The following FOXN3 variants were observed in gnomAD, a reference collection of about 807,000 sequenced individuals.
FOXN3 encodes the protein forkhead box protein N3.
FOXN3 carries 7 observed loss-of-function variants against 38.4 expected under a neutral mutation model. The ratio of observed to expected loss-of-function variants is 0.18; its 90% CI spans 0.10 to 0.34. FOXN3 has a LOEUF of 0.34. Among genes scored for constraint, FOXN3 ranks in the 10% least tolerant of loss-of-function variants. The pLI, the probability that FOXN3 is intolerant of heterozygous loss-of-function variation, is 1.00. For synonymous variants in FOXN3, 230 were observed against 242.2 expected, an observed-to-expected ratio of 0.95 and a Z score of 0.47; for missense variants, 456 against 613.4, an observed-to-expected ratio of 0.74 and a Z score of 2.71.
intron 4 of FOXN3, among the ~76,000 whole-genome samples, chr14:89,217,864 T>G (rs1459107268): frequency 2.0e-5 from 3 of 152,226 alleles, no homozygotes; most frequent in Non-Finnish European, 4.4e-5. Context: ...GCAGCACTGC[T>G]GCCGGGCCTG....
intron 4 of FOXN3, among the ~76,000 whole-genome samples, chr14:89,259,406 G>A (rs535182841): frequency 6.6e-6 from 1 of 152,200 alleles, no homozygotes; most frequent in African/African-American, 2.4e-5. Flanking sequence ...CTGGTCACTA[G>A]GAAGCTCAGA....
chr14:89,381,532 C>CAAAAAAAA (rs71897384), intron 2 of FOXN3, among the ~76,000 whole-genome samples: 21 of 75,916 alleles, frequency 2.8e-4, no homozygotes, highest in South Asian at 1.0e-3. Context: ...CCTCAAAAAG[C>CAAAAAAAA]AAAAAAAAAA....
chr14:89,354,231 T>G (rs946364792), intron 2 of FOXN3, among the ~76,000 whole-genome samples: 2 of 148,808 alleles, frequency 1.3e-5, no homozygotes, highest in South Asian at 2.1e-4. Context: ...TGGTTTTTTT[T>G]GTTTGTTTTT....
intron 1 of FOXN3, among the ~76,000 whole-genome samples, chr14:89,591,224 C>T (rs560892378): frequency 3.7e-4 from 56 of 152,268 alleles, no homozygotes; most frequent in African/African-American, 1.3e-3. Context: ...ATATTCTCAA[C>T]CCTGGGAGCC....
intron 5 of FOXN3, among the ~76,000 whole-genome samples, chr14:89,169,074 A>T (rs35510082): frequency 6.6e-6 from 1 of 152,050 alleles, no homozygotes; most frequent in African/African-American, 2.4e-5. Flanking sequence ...TAGGAATTTC[A>T]TAAGAATATA....
intron 3 of FOXN3, among the ~76,000 whole-genome samples, chr14:89,317,264 C>T (rs539148443): frequency 1.8e-4 from 27 of 152,324 alleles, no homozygotes; most frequent in African/African-American, 6.3e-4. Context: ...CATTCAACAG[C>T]AGCTCACTCA....
chr14:89,462,628 T>C (rs1166935324), intron 1 of FOXN3, among the ~76,000 whole-genome samples: 1 of 151,772 alleles, frequency 6.6e-6, no homozygotes, highest in African/African-American at 2.4e-5. Flanking sequence ...GGGCATCACA[T>C]GGCAATGGAG....
intron 3 of FOXN3, among the ~76,000 whole-genome samples, chr14:89,310,979 A>C (rs1956254687): frequency 6.6e-6 from 1 of 151,706 alleles, no homozygotes; most frequent in African/African-American, 2.4e-5. Flanking sequence ...GGCAGAGCAC[A>C]CCTGTAATCT....
intron 3 of FOXN3, among the ~76,000 whole-genome samples, chr14:89,330,512 C>T (rs142427371): frequency 1.3e-5 from 2 of 152,152 alleles, no homozygotes; most frequent in African/African-American, 4.8e-5. Flanking sequence ...AGGAGCATGT[C>T]GCTTGAATTG....
At chr14:89,554,114 G>A (rs1273404728) in intron 1 of FOXN3, among the ~76,000 whole-genome samples, 1 of 152,086 alleles carries the variant, frequency 6.6e-6, no homozygotes, top group Non-Finnish European at 1.5e-5. Context: ...CGATTCTCCT[G>A]CCTCAGCCTC....
chr14:89,551,192 A>C (rs1247236806), intron 1 of FOXN3, among the ~76,000 whole-genome samples: 1 of 152,224 alleles, frequency 6.6e-6, no homozygotes. Flanking sequence ...GAGCTGACTT[A>C]GTAAGCAGCA....
intron 1 of FOXN3, among the ~76,000 whole-genome samples, chr14:89,429,202 A>G (rs1371381150): frequency 6.6e-6 from 1 of 152,138 alleles, no homozygotes; most frequent in Non-Finnish European, 1.5e-5. Flanking sequence ...GAAAAAATGC[A>G]GTTTTCTTTG....
intron 1 of FOXN3, among the ~76,000 whole-genome samples, chr14:89,513,284 A>C (rs1371476798): frequency 6.7e-6 from 1 of 150,090 alleles, no homozygotes; most frequent in Non-Finnish European, 1.5e-5. Flanking sequence ...TTTATTTTTC[A>C]TGACAGGGTC....
At chr14:89,483,490 C>A (rs1273701846) in intron 1 of FOXN3, among the ~76,000 whole-genome samples, 5 of 152,292 alleles carry the variant, frequency 3.3e-5, no homozygotes, top group Middle Eastern at 3.4e-3. Context: ...CTCACTGCAA[C>A]CTCTGCCTCC....
intron 2 of FOXN3, among the ~76,000 whole-genome samples, chr14:89,374,553 A>C (rs1040369927): frequency 1.3e-5 from 2 of 152,182 alleles, no homozygotes; most frequent in African/African-American, 2.4e-5. Flanking sequence ...TAGACAGACA[A>C]ATTATGGTAT....
intron 1 of FOXN3, among the ~76,000 whole-genome samples, chr14:89,555,643 G>A (rs954032567): frequency 3.9e-5 from 6 of 152,192 alleles, no homozygotes; most frequent in African/African-American, 1.4e-4. Flanking sequence ...CTTTTGGACA[G>A]TGCTTTCTAG....
At chr14:89,488,834 C>T (rs529580553) in intron 1 of FOXN3, among the ~76,000 whole-genome samples, 1 of 152,184 alleles carries the variant, frequency 6.6e-6, no homozygotes, top group African/African-American at 2.4e-5. Context: ...TGTTACCACG[C>T]CTCGACAGCC....
chr14:89,616,166 C>G (rs897865105), intron 1 of FOXN3, among the ~76,000 whole-genome samples: 3 of 151,868 alleles, frequency 2.0e-5, no homozygotes, highest in Non-Finnish European at 4.4e-5. Flanking sequence ...TAGTACAGGG[C>G]CTCTGGTTAT....
intron 2 of FOXN3, among the ~76,000 whole-genome samples, chr14:89,379,452 T>TA (rs1890578193): frequency 6.6e-6 from 1 of 152,118 alleles, no homozygotes; most frequent in Non-Finnish European, 1.5e-5. Context: ...GGCCTCTACC[T>TA]ACTGGATGCA....
Sources: allele counts gnomAD v4.1 joint callset (sites outside exome capture counted in the v4.1 genomes callset), GRCh38; gene constraint gnomAD v4.1.1; transcripts MANE v1.5; gene names NCBI Gene and HGNC (gene_info 2026-07-23, HGNC 2026-07-21).